The following SPATA33 variants were observed in gnomAD, a reference collection of about 807,000 sequenced individuals.
The protein encoded by SPATA33 is spermatogenesis-associated protein 33.
A neutral mutation model predicts 8.9 loss-of-function variants in SPATA33; 10 were observed. That is an observed-to-expected ratio of 1.12 (90% confidence interval 0.69 to 1.90). SPATA33 has a LOEUF of 1.90. SPATA33 is among the 40% of genes most tolerant of loss of function. The pLI, the probability that SPATA33 is intolerant of heterozygous loss-of-function variation, is 0.00. For synonymous variants in SPATA33, 96 were observed against 72.8 expected (o/e 1.32, Z -1.63); for missense variants, 241 against 178.3 (o/e 1.35, Z -2.00).
upstream of SPATA33, chr16:89,657,801 C>T: frequency 1.3e-6 from 2 of 1,484,574 alleles, no homozygotes; most frequent in African/African-American, 3.0e-5. Flanking sequence ...GCGCGGTCGC[C>T]ATGGTGACGC....
intron 2 of SPATA33, chr16:89,658,751 C>T (rs536287948): frequency 6.1e-4 from 233 of 379,316 alleles, no homozygotes; most frequent in African/African-American, 4.3e-3. Context: ...CCTGAGCCTC[C>T]GCACACTGGA....
chr16:89,669,590 G>C lies in SPATA33; in HGVS notation c.*93G>C, dbSNP rs2060073132. On this transcript the variant is annotated 3_prime_UTR_variant, in exon 3 of 3. Coordinates refer to ENST00000579310, the MANE Select transcript of SPATA33 (RefSeq NM_001271907.2). ...GTGAGAAGCCGAGGCCCCTTCTCCAGTGCTCTCGGGGAGGTTGCACCAGGC... is the reference window on the plus strand; with the variant it reads ...GTGAGAAGCCGAGGCCCCTTCTCCACTGCTCTCGGGGAGGTTGCACCAGGC... The C allele has an allele frequency of 2.3e-6, 3 of 1,312,870 alleles. No individual in the cohort carries two copies. The Admixed American group carries it at 6.2e-5, about 27-fold the overall frequency. 81.3% of individuals were successfully genotyped at this position (1,312,870 alleles called of 1,614,324 possible). A position where few individuals can be genotyped will look rare whatever the true frequency, so the allele number is the denominator to read the frequency against.
intron 2 of SPATA33, chr16:89,660,965 C>G: frequency 2.0e-6 from 2 of 1,006,622 alleles, no homozygotes; most frequent in Non-Finnish European, 2.4e-6. Context: ...CAGTGTCCAG[C>G]CCCAAGAGCT....
At position 89,669,755 on chromosome 16, in the gene SPATA33, G is replaced by A. The variant is rs535320951; in HGVS notation, c.*258G>A. 1.3e-5 allele frequency: 6 copies of A among 458,352 alleles called. No individual in the cohort carries two copies. Among genetic ancestry groups the A allele is most frequent in the East Asian group, 1.1e-4 (3 of 26,378 alleles). The allele number at this position is 458,352 out of a possible 1,614,324, so 28.4% of individuals were successfully genotyped here. ...AGGGTGCACCAGGCCTGCCCCCGCC[G>A]TGAGAAACTGCAGTCCCCTTCTCCA... is the stretch of plus-strand genomic sequence containing the variant. On this transcript the variant is annotated 3_prime_UTR_variant, in exon 3 of 3. Transcript: ENST00000579310.
chr16:89,661,320 C>G, intron 2 of SPATA33: 2 of 575,560 alleles, frequency 3.5e-6, no homozygotes, highest in Non-Finnish European at 4.4e-6. Flanking sequence ...GTGCTGTTTT[C>G]GTGATAGTGA....
At chr16:89,664,018 C>T (rs1217798354) in intron 2 of SPATA33, among the ~76,000 whole-genome samples, 1 of 152,036 alleles carries the variant, frequency 6.6e-6, no homozygotes, top group Non-Finnish European at 1.5e-5. Context: ...AATCAGGGGC[C>T]TGAGATAGGA....
chr16:89,659,227 C>G (rs904248984), intron 2 of SPATA33: 3 of 152,256 alleles, frequency 2.0e-5, no homozygotes, highest in Non-Finnish European at 4.4e-5. Flanking sequence ...GGAGGTGGCC[C>G]GGTCAGAGAC....
intron 2 of SPATA33, 100 bp from the exon 3 acceptor site, chr16:89,669,186 A>T: frequency 9.0e-7 from 1 of 1,106,022 alleles, no homozygotes; most frequent in Non-Finnish European, 1.4e-6. Context: ...TGCTAACCAT[A>T]CATCTTAATT....
At chr16:89,660,469 G>A (rs2059952261) in intron 2 of SPATA33, 4 of 1,231,774 alleles carry the variant, frequency 3.2e-6, no homozygotes, top group African/African-American at 1.6e-5. Flanking sequence ...GGACATGAAG[G>A]GAAAACAGCA....
In SPATA33 at chr16:89,669,416, G is replaced by A; in HGVS notation, c.342G>A (p.Arg114=). 6.2e-7 allele frequency: 1 copy of A among 1,614,122 alleles called. No individual in the cohort carries two copies. The highest frequency in any genetic ancestry group is 2.2e-5 in the East Asian group (1 of 44,888). ...GGAGTGACCAGCAGAGAACCATTCG[G>A]GAGCCGGAGGACTGGGGCCCCTACC... is the stretch of plus-strand genomic sequence containing the variant. ...SSGSDQQRTI[R]EPEDWGPYRR... Residue 114 remains arginine, a synonymous_variant, in exon 3 of 3, where the codon CGG becomes CGA. Transcript: ENST00000579310.
rs775257755 is a variant in SPATA33 at position 89,669,349 on chromosome 16, C to G, written c.275C>G (p.Thr92Arg). 3 of 1,614,066 alleles carry G rather than the reference C, an allele frequency of 1.9e-6. No homozygotes were observed. The highest frequency in any genetic ancestry group is 1.3e-5 in the African/African-American group (1 of 74,922). ...GTGGTCGTTCCACAGATCATCATCACGCGAGCGTCGAATGAGACGCTAGTC... is the reference window on the plus strand; with the variant it reads ...GTGGTCGTTCCACAGATCATCATCAGGCGAGCGTCGAATGAGACGCTAGTC... ...KKVVVPQIIITRASNETLVSC... is the reference protein window; with the variant it reads ...KKVVVPQIIIRRASNETLVSC... The change falls in exon 3 of 3, where the codon ACG (threonine) becomes AGG (arginine). Residue 92 changes from threonine to arginine, a missense_variant. Transcript: ENST00000579310.
At chr16:89,665,845 C>T (rs1469295225) in intron 2 of SPATA33, among the ~76,000 whole-genome samples, 4 of 151,926 alleles carry the variant, frequency 2.6e-5, no homozygotes, top group Non-Finnish European at 2.9e-5. Context: ...CTTTGGAGGC[C>T]GAGGCAGGTG....
intron 2 of SPATA33, among the ~76,000 whole-genome samples, chr16:89,665,859 C>G (rs186365876): frequency 2.0e-5 from 3 of 152,108 alleles, no homozygotes; most frequent in Admixed American, 2.0e-4. Flanking sequence ...GCAGGTGGAT[C>G]ACTTGAGGTC....
At chr16:89,663,850 G>T (rs541398519) in intron 2 of SPATA33, among the ~76,000 whole-genome samples, 1 of 152,320 alleles carries the variant, frequency 6.6e-6, no homozygotes, top group Admixed American at 6.5e-5. Flanking sequence ...CAAGCACAGT[G>T]GCTCACGCCT....
chr16:89,660,426 T>C, intron 2 of SPATA33: 2 of 1,223,632 alleles, frequency 1.6e-6, no homozygotes, highest in Non-Finnish European at 2.0e-6. Flanking sequence ...GCCCCAGCAG[T>C]GTCTGTCACA....
intron 2 of SPATA33, among the ~76,000 whole-genome samples, chr16:89,664,768 C>T (rs2060003977): frequency 1.3e-5 from 2 of 152,290 alleles, no homozygotes; most frequent in East Asian, 1.9e-4. Flanking sequence ...ATAAATTCTG[C>T]CTCCAACCAG....
chr16:89,663,281 T>C (rs1179424517), intron 2 of SPATA33, among the ~76,000 whole-genome samples: 1 of 150,170 alleles, frequency 6.7e-6, no homozygotes, highest in Admixed American at 6.7e-5. Flanking sequence ...AATGGCACGA[T>C]CTTGGCTCAC....
At chr16:89,668,579 G>A (rs1329169885) in intron 2 of SPATA33, among the ~76,000 whole-genome samples, 1 of 152,058 alleles carries the variant, frequency 6.6e-6, no homozygotes, top group Non-Finnish European at 1.5e-5. Flanking sequence ...GGAAGGGGGC[G>A]GGCGGCTGTG....
At chr16:89,669,184 A>G (rs765919835) in intron 2 of SPATA33, 102 bp from the exon 3 acceptor site, 2 of 1,095,958 alleles carry the variant, frequency 1.8e-6, no homozygotes, top group South Asian at 1.3e-5. Flanking sequence ...TCTGCTAACC[A>G]TACATCTTAA....
Sources: allele counts gnomAD v4.1 joint callset (sites outside exome capture counted in the v4.1 genomes callset), GRCh38; gene constraint gnomAD v4.1.1; transcripts MANE v1.5; gene names NCBI Gene and HGNC (gene_info 2026-07-23, HGNC 2026-07-21).